Variants in SPATA1 observed in about 807,000 individuals in gnomAD.
The protein encoded by SPATA1 is spermatogenesis-associated protein 1.
SPATA1 carries 57 observed loss-of-function variants against 59.6 expected under a neutral mutation model. The observed-to-expected ratio is 0.96, with a 90% CI of 0.77 to 1.19. The LOEUF (loss-of-function observed/expected upper bound fraction) is 1.19, where lower values mean the gene tolerates loss of function less well. Among genes scored for constraint, SPATA1 ranks in the 50% most tolerant of loss-of-function variants. SPATA1 has a pLI of 0.00. For missense variants in SPATA1, 448 were observed against 480.7 expected (o/e 0.93, Z 0.64); for synonymous variants, 147 against 163.9 (o/e 0.90, Z 0.79).
At chr1:84,538,625 C>A (rs1247171803) in intron 8 of SPATA1, among the ~76,000 whole-genome samples, 2 of 152,082 alleles carry the variant, frequency 1.3e-5, no homozygotes, top group Non-Finnish European at 1.5e-5. Flanking sequence ...CTTTGTGGAC[C>A]TTTTTTGGAA....
intron 12 of SPATA1, chr1:84,551,201 A>C: frequency 1.0e-6 from 1 of 985,300 alleles, no homozygotes; most frequent in South Asian, 4.7e-5. Context: ...ACAAGTACCC[A>C]CAGCAAGGCA....
chr1:84,526,817 G>C (rs1683243536), intron 6 of SPATA1, among the ~76,000 whole-genome samples: 1 of 143,988 alleles, frequency 6.9e-6, no homozygotes, highest in Admixed American at 7.2e-5. Flanking sequence ...GCAGTGAGCT[G>C]AGATGGCACC....
At chr1:84,541,249 C>G (rs1683888771) in intron 8 of SPATA1, among the ~76,000 whole-genome samples, 1 of 152,158 alleles carries the variant, frequency 6.6e-6, no homozygotes, top group Non-Finnish European at 1.5e-5. Context: ...AATCAGAAAT[C>G]AGAAATTGTT....
chr1:84,561,586 T>G (rs949913435), intron 4 of SPATA1, among the ~76,000 whole-genome samples: 1 of 152,172 alleles, frequency 6.6e-6, no homozygotes, highest in African/African-American at 2.4e-5. Flanking sequence ...TGCAATCAAA[T>G]AGCATCACGT....
downstream of SPATA1, among the ~76,000 whole-genome samples, chr1:84,566,990 T>G (rs1166973241): frequency 6.6e-6 from 1 of 152,224 alleles, no homozygotes; most frequent in African/African-American, 2.4e-5. Context: ...TTATGTTTAT[T>G]GCCTTAACCA....
At chr1:84,535,861 T>A (rs954606716) in intron 8 of SPATA1, among the ~76,000 whole-genome samples, 10 of 152,212 alleles carry the variant, frequency 6.6e-5, no homozygotes, top group African/African-American at 2.2e-4. Context: ...GTAATGGCAA[T>A]AATAATGATG....
At chr1:84,554,990 A>C (rs1161300818), downstream of SPATA1, 2 of 1,610,138 alleles carry the variant, frequency 1.2e-6, no homozygotes, top group Non-Finnish European at 1.7e-6. Flanking sequence ...ATGGTTTGAC[A>C]AAAGATGTTC....
chr1:84,510,006 G>A (rs1682465857), intron 1 of SPATA1, among the ~76,000 whole-genome samples: 1 of 151,934 alleles, frequency 6.6e-6, no homozygotes. Flanking sequence ...TGGGCAACAT[G>A]GCAAAGTCAA....
intron 1 of SPATA1, among the ~76,000 whole-genome samples, chr1:84,512,447 A>G (rs1682609052): frequency 6.6e-6 from 1 of 152,218 alleles, no homozygotes; most frequent in Admixed American, 6.5e-5. Flanking sequence ...ATATTTAAAC[A>G]TAGCCCATGT....
chr1:84,538,279 T>C (rs1683780001), intron 8 of SPATA1, among the ~76,000 whole-genome samples: 1 of 152,190 alleles, frequency 6.6e-6, no homozygotes, highest in Non-Finnish European at 1.5e-5. Flanking sequence ...AAATGCTTTT[T>C]TCTTCATCCC....
chr1:84,547,282 C>T (rs1401753012), intron 10 of SPATA1, among the ~76,000 whole-genome samples: 1 of 152,188 alleles, frequency 6.6e-6, no homozygotes, highest in Non-Finnish European at 1.5e-5. Flanking sequence ...CCTCTTTGTG[C>T]CTCACCCTTT....
chr1:84,542,480 T>C (rs145643676), intron 8 of SPATA1, among the ~76,000 whole-genome samples: 14 of 152,302 alleles, frequency 9.2e-5, no homozygotes, highest in African/African-American at 3.1e-4. Flanking sequence ...TTCTTTTGAA[T>C]TCCTCATAGA....
chr1:84,552,370 A>G (rs1236845036), intron 12 of SPATA1: 2 of 152,168 alleles, frequency 1.3e-5, no homozygotes, highest in African/African-American at 4.8e-5. Flanking sequence ...AACTGATGCT[A>G]ATGCTGCTGT....
intron 6 of SPATA1, among the ~76,000 whole-genome samples, chr1:84,528,975 AT>A (rs1308503947): frequency 3.3e-5 from 5 of 152,070 alleles, no homozygotes; most frequent in African/African-American, 1.2e-4. Flanking sequence ...CTCCCCACTG[AT>A]TTCAAATGGC....
chr1:84,545,774 A>C lies in SPATA1; in HGVS notation c.946+15A>C. ...ACGATATCATGGTAAAGTTTATTAC[A>C]TACCTTTTATCACTATAAAGAAAAC... On this transcript the variant is annotated intron_variant, in intron 10 of 12. Coordinates refer to ENST00000490879, the Ensembl canonical transcript of SPATA1. The C allele has an allele frequency of 6.8e-7, 1 of 1,470,644 alleles. No homozygotes were observed. The highest frequency in any genetic ancestry group is 9.0e-7 in the Non-Finnish European group (1 of 1,116,892). 91.1% of individuals were successfully genotyped at this position (1,470,644 alleles called of 1,614,324 possible).
intron 4 of SPATA1, among the ~76,000 whole-genome samples, chr1:84,525,132 A>T (rs1228639745): frequency 6.6e-6 from 1 of 152,030 alleles, no homozygotes; most frequent in African/African-American, 2.4e-5. Flanking sequence ...ACACCTGGCT[A>T]ATTTTTATAT....
chr1:84,561,364 G>A (rs906617580), intron 4 of SPATA1, among the ~76,000 whole-genome samples: 7 of 152,202 alleles, frequency 4.6e-5, no homozygotes, highest in African/African-American at 9.7e-5. Flanking sequence ...CTACAATCTC[G>A]TGATAAAATT....
chr1:84,522,200 T>C (rs1171122829), intron 3 of SPATA1, among the ~76,000 whole-genome samples, 190 bp from the exon 4 acceptor site: 2 of 152,194 alleles, frequency 1.3e-5, no homozygotes. Context: ...AGACTTTTAA[T>C]TATTTATTTT....
chr1:84,536,881 CTTTTTTTTT>C (rs34058475), intron 8 of SPATA1, among the ~76,000 whole-genome samples: 2 of 105,782 alleles, frequency 1.9e-5, no homozygotes, highest in Non-Finnish European at 4.1e-5. Context: ...TTTCTTTTTT[CTTTTTTTTT>C]TTTTTTTGAG....
Sources: allele counts gnomAD v4.1 joint callset (sites outside exome capture counted in the v4.1 genomes callset), GRCh38; gene constraint gnomAD v4.1.1; transcripts MANE v1.5; gene names NCBI Gene and HGNC (gene_info 2026-07-23, HGNC 2026-07-21).